The following BCO1 variants were observed in gnomAD, a reference collection of about 807,000 sequenced individuals.
The protein encoded by BCO1 is beta,beta-carotene 15,15'-dioxygenase.
In BCO1, 54 loss-of-function variants were observed where a neutral mutation model predicts 56.3. The ratio of observed to expected loss-of-function variants is 0.96; its 90% CI spans 0.77 to 1.20. The LOEUF is 1.20. Ranked by LOEUF, BCO1 falls within the 50% of genes most tolerant of loss-of-function variation. The pLI is 0.00. For synonymous variants in BCO1, 318 were observed against 266.1 expected (o/e 1.20, Z -1.90); for missense variants, 801 against 690.9 (o/e 1.16, Z -1.79).
intron 1 of BCO1, 126 bp downstream of exon 1, chr16:81,239,098 C>A (rs1332346451): frequency 1.0e-5 from 8 of 764,114 alleles, no homozygotes; most frequent in Non-Finnish European, 1.1e-5. Flanking sequence ...CCCACTGCAA[C>A]CTCTGCCTCC....
intron 2 of BCO1, among the ~76,000 whole-genome samples, chr16:81,248,370 T>G (rs1227159878): frequency 8.1e-6 from 1 of 123,566 alleles, no homozygotes; most frequent in Non-Finnish European, 1.6e-5. Context: ...ACCATTGCAC[T>G]CCAGCCTGGG....
chr16:81,276,569 A>G (rs1907570081), intron 7 of BCO1, among the ~76,000 whole-genome samples: 1 of 152,216 alleles, frequency 6.6e-6, no homozygotes, highest in African/African-American at 2.4e-5. Flanking sequence ...CAAGGGCCAG[A>G]GACTGCCTTA....
intron 2 of BCO1, among the ~76,000 whole-genome samples, chr16:81,256,625 T>C (rs765567188): frequency 3.3e-5 from 5 of 152,170 alleles, no homozygotes. Context: ...CGGTGGTTCA[T>C]GCCTGTAATC....
At chr16:81,240,736 C>T (rs1182917301) in intron 1 of BCO1, among the ~76,000 whole-genome samples, 1 of 152,002 alleles carries the variant, frequency 6.6e-6, no homozygotes, top group Non-Finnish European at 1.5e-5. Context: ...CCAGGCACCC[C>T]AGCCTGGCCA....
chr16:81,263,189 C>A (rs1021988272), intron 4 of BCO1: 1 of 150,258 alleles, frequency 6.7e-6, no homozygotes, highest in Non-Finnish European at 1.5e-5. Flanking sequence ...CAGCTCACTG[C>A]AACCTCCGCC....
At chr16:81,288,066 A>G (rs557785543) in intron 10 of BCO1, among the ~76,000 whole-genome samples, 2 of 152,128 alleles carry the variant, frequency 1.3e-5, no homozygotes, top group Non-Finnish European at 2.9e-5. Flanking sequence ...CCCCAGGTAT[A>G]CAAAGATACT....
intron 9 of BCO1, among the ~76,000 whole-genome samples, chr16:81,286,705 ATTTTAAAAGATTTTAAT>A (rs1908200271): frequency 3.9e-5 from 6 of 152,058 alleles, no homozygotes; most frequent in Admixed American, 3.9e-4. Context: ...ATAATAATAA[ATTTTAAAAGATTTTAAT>A]TTTTAAAAGA....
chr16:81,243,077 G>C (rs1230855969), intron 1 of BCO1, among the ~76,000 whole-genome samples: 1 of 152,158 alleles, frequency 6.6e-6, no homozygotes, highest in East Asian at 1.9e-4. Flanking sequence ...CCTGCCAGGG[G>C]CTGGGGTAAG....
At chr16:81,273,733 G>A (rs1289575613) in intron 7 of BCO1, among the ~76,000 whole-genome samples, 1 of 151,542 alleles carries the variant, frequency 6.6e-6, no homozygotes, top group Non-Finnish European at 1.5e-5. Flanking sequence ...AATGCTTGCT[G>A]CACAGAGAAG....
At chr16:81,254,295 A>ATTTTTTTTTTTTTTTT (rs57961725) in intron 2 of BCO1, among the ~76,000 whole-genome samples, 2 of 78,290 alleles carry the variant, frequency 2.6e-5, no homozygotes, top group African/African-American at 5.8e-5. Flanking sequence ...CGCCCGGCTA[A>ATTTTTTTTTTTTTTTT]TTTTTTTTTT....
chr16:81,271,051 A>G (rs552658244), intron 7 of BCO1, among the ~76,000 whole-genome samples: 1 of 151,354 alleles, frequency 6.6e-6, no homozygotes, highest in South Asian at 2.1e-4. Flanking sequence ...GCTGTCTTAC[A>G]TAATTTTTAA....
At chr16:81,289,862 G>A (rs1002881074) in intron 10 of BCO1, among the ~76,000 whole-genome samples, 6 of 150,104 alleles carry the variant, frequency 4.0e-5, no homozygotes, top group African/African-American at 7.6e-5. Context: ...TTGTTCATTC[G>A]TTTGTTTGTT....
At chr16:81,283,868 G>A (rs1908016265) in intron 8 of BCO1, among the ~76,000 whole-genome samples, 1 of 151,664 alleles carries the variant, frequency 6.6e-6, no homozygotes, top group Admixed American at 6.6e-5. Context: ...AATTCAATTT[G>A]ATGCAATAGG....
At chr16:81,270,103 C>T (rs1907089776) in intron 6 of BCO1, 56 bp from the exon 7 acceptor site, 1 of 1,610,282 alleles carries the variant, frequency 6.2e-7, no homozygotes, top group Non-Finnish European at 8.5e-7. Context: ...CCCCAGATGC[C>T]ACAGTGCCAG....
chr16:81,286,916 A>C (rs1368556292), intron 9 of BCO1, among the ~76,000 whole-genome samples: 1 of 151,526 alleles, frequency 6.6e-6, no homozygotes, highest in Non-Finnish European at 1.5e-5. Flanking sequence ...TCTACTAAAA[A>C]TACAAAAAAT....
intron 1 of BCO1, among the ~76,000 whole-genome samples, chr16:81,240,752 G>C (rs986322161): frequency 6.6e-6 from 1 of 151,584 alleles, no homozygotes; most frequent in Non-Finnish European, 1.5e-5. Context: ...GGCCAACCTG[G>C]TATGGTGAAA....
At chr16:81,254,280 C>T (rs184275781) in intron 2 of BCO1, among the ~76,000 whole-genome samples, 83 of 150,680 alleles carry the variant, frequency 5.5e-4, no homozygotes, top group African/African-American at 1.9e-3. Flanking sequence ...GGGTGCGTGC[C>T]ACCACGCCCG....
intron 7 of BCO1, among the ~76,000 whole-genome samples, chr16:81,275,143 G>A (rs1299431930): frequency 1.3e-5 from 2 of 152,266 alleles, no homozygotes; most frequent in African/African-American, 4.8e-5. Flanking sequence ...CCCATCCAGA[G>A]GTTTACTGGA....
intron 7 of BCO1, among the ~76,000 whole-genome samples, chr16:81,272,306 G>T (rs1240547903): frequency 2.0e-5 from 3 of 151,112 alleles, no homozygotes; most frequent in Non-Finnish European, 4.4e-5. Context: ...TTTTAGTAGA[G>T]ACAGGGTTTC....
Sources: allele counts gnomAD v4.1 joint callset (sites outside exome capture counted in the v4.1 genomes callset), GRCh38; gene constraint gnomAD v4.1.1; transcripts MANE v1.5; gene names NCBI Gene and HGNC (gene_info 2026-07-23, HGNC 2026-07-21).